SCUBE1: variants seen among roughly 807,000 people sequenced by gnomAD.
SCUBE1 encodes signal peptide, CUB and EGF-like domain-containing protein 1.
SCUBE1 carries 59 observed loss-of-function variants against 124.4 expected under a neutral mutation model. The ratio of observed to expected loss-of-function variants is 0.47; its 90% CI spans 0.38 to 0.59. The LOEUF is 0.59. Ranked by LOEUF, SCUBE1 falls within the 20% of genes least tolerant of loss-of-function variation. SCUBE1 has a pLI of 0.00. For missense variants in SCUBE1, 1,150 were observed against 1,371.2 expected, an observed-to-expected ratio of 0.84 and a Z score of 2.55; for synonymous variants, 545 against 550.9, an observed-to-expected ratio of 0.99 and a Z score of 0.15.
rs1032006265 is a variant in SCUBE1 at position 43,206,363 on chromosome 22, C to T, written c.2814+1171G>A. Among the ~76,000 whole-genome samples the T allele has an allele frequency of 2.6e-5, 4 of 151,766 alleles. No individual in the cohort carries two copies. In the East Asian group the frequency reaches 5.8e-4, roughly 22 times the overall value. The stretch of plus-strand genomic sequence containing the variant: ...TCCAAACTCACCACACATGCCTCCA[C>T]AAACACACCACACAGCACACTCCCC... On this transcript the variant is annotated intron_variant, in intron 21 of 21. Transcript: ENST00000360835.
intron 3 of SCUBE1, among the ~76,000 whole-genome samples, chr22:43,293,646 G>A (rs1315567815): frequency 1.3e-5 from 2 of 152,232 alleles, no homozygotes; most frequent in East Asian, 3.8e-4. Context: ...GAACTGTGCT[G>A]GCATACACTT....
At position 43,211,386 on chromosome 22, in the gene SCUBE1, G is replaced by A. The variant is rs549109921; in HGVS notation, c.2222-303C>T. On this transcript the variant is annotated intron_variant, in intron 17 of 21. Transcript: ENST00000360835. The surrounding 1 kb of genome is among the most constrained non-coding windows in gnomAD (Gnocchi z 4.5). Reference sequence around the variant, plus strand: ...CGGGGGCGATGATGTGGCCGGAGGCGTGCGGGGGAGACAGGGAGGAGGGGA... The same window carrying A: ...CGGGGGCGATGATGTGGCCGGAGGCATGCGGGGGAGACAGGGAGGAGGGGA... Among the ~76,000 whole-genome samples, 53 of 152,116 alleles carry A rather than the reference G, an allele frequency of 3.5e-4. No individual in the cohort carries two copies. The highest frequency in any genetic ancestry group is 6.3e-4 in the Non-Finnish European group (43 of 68,022).
intron 3 of SCUBE1, among the ~76,000 whole-genome samples, chr22:43,293,481 T>G (rs1271032652): frequency 6.6e-6 from 1 of 152,246 alleles, no homozygotes; most frequent in Non-Finnish European, 1.5e-5. Flanking sequence ...AGACCAATGC[T>G]GCGAAGAGCC....
At chr22:43,322,378 C>T (rs1234754479) in intron 2 of SCUBE1, among the ~76,000 whole-genome samples, 2 of 152,196 alleles carry the variant, frequency 1.3e-5, no homozygotes, top group African/African-American at 2.4e-5. Flanking sequence ...ATGCAACCAC[C>T]TCTTCCCCTG....
chr22:43,208,288 C>A, intron 19 of SCUBE1, 64 bp from the exon 20 acceptor site: 1 of 1,521,556 alleles, frequency 6.6e-7, no homozygotes, highest in South Asian at 1.1e-5. Flanking sequence ...CTAGGCCACT[C>A]GCCTCCCATC....
rs375974492 is a variant in SCUBE1 at position 43,258,177 on chromosome 22, C to T, written c.727+42G>A. On this transcript the variant is annotated intron_variant, in intron 6 of 21. Coordinates refer to ENST00000360835, the MANE Select transcript of SCUBE1 (RefSeq NM_173050.5). The surrounding 1 kb of genome is among the most constrained non-coding windows in gnomAD (Gnocchi z 5.0). ...TGGTGCACGCATGGGGGGTCGGGGG[C>T]GGGGGGCGCAAGGGTGGTGTGTGGC... is the stretch of plus-strand genomic sequence containing the variant. 148 of 1,354,244 alleles carry T rather than the reference C, an allele frequency of 1.1e-4. 1 individual carries two copies. The highest frequency in any genetic ancestry group is 2.2e-4 in the Middle Eastern group (1 of 4,526). 83.9% of individuals were successfully genotyped at this position (1,354,244 alleles called of 1,614,324 possible).
intron 2 of SCUBE1, among the ~76,000 whole-genome samples, chr22:43,326,104 A>G (rs1489332496): frequency 6.6e-6 from 1 of 152,152 alleles, no homozygotes; most frequent in African/African-American, 2.4e-5. Flanking sequence ...GGGACTGACT[A>G]GAAACATTCT....
At chr22:43,237,699 T>C (rs1181701083) in intron 7 of SCUBE1, 1 of 152,228 alleles carries the variant, frequency 6.6e-6, no homozygotes, top group Non-Finnish European at 1.5e-5. Context: ...CAAAAATACA[T>C]TTATTTTTAC....
chr22:43,309,148 T>A lies in SCUBE1; in HGVS notation c.349+10789A>T, dbSNP rs374552440. 5.9e-5 allele frequency among the ~76,000 whole-genome samples: 9 copies of A among 152,130 alleles called. No individual in the cohort carries two copies. The East Asian group carries it at 9.6e-4, about 16-fold the overall frequency. ...TGCACCTTCACCAGCTCCAGGTATA[T>A]CCATTTTCCCTAAACTGTGTTCTGG... On this transcript the variant is annotated intron_variant, in intron 3 of 21. Transcript: ENST00000360835.
intron 9 of SCUBE1, among the ~76,000 whole-genome samples, chr22:43,227,841 C>A (rs1344132685): frequency 6.6e-6 from 1 of 152,200 alleles, no homozygotes; most frequent in Non-Finnish European, 1.5e-5. Flanking sequence ...GATTGTGAAA[C>A]TGATTTTACC....
At chr22:43,239,426 G>A (rs1048149054) in intron 6 of SCUBE1, among the ~76,000 whole-genome samples, 1 of 152,276 alleles carries the variant, frequency 6.6e-6, no homozygotes, top group African/African-American at 2.4e-5. Flanking sequence ...CGGCCAGGGA[G>A]CCGAGGGGTA....
At position 43,238,930 on chromosome 22, in the gene SCUBE1, C is replaced by G. The variant is rs757642559; in HGVS notation, c.752G>C (p.Gly251Ala). 3.1e-6 allele frequency: 5 copies of G among 1,612,978 alleles called. No individual in the cohort carries two copies. Among genetic ancestry groups the G allele is most frequent in the Non-Finnish European group, 4.2e-6 (5 of 1,179,890 alleles). ...TGTGTCCTTGCATGTCCGGTCGCAG[C>G]CTCCGTTATTGACTGCGCACGTCTC... ...CIETCAVNNGGCDRTCKDTAT... is the reference protein window; with the variant it reads ...CIETCAVNNGACDRTCKDTAT... The change falls in exon 7 of 22, where the codon GGC (glycine) becomes GCC (alanine). Residue 251 changes from glycine (G) to alanine (A), a missense_variant. Transcript: ENST00000360835.
Position 43,286,665 on chromosome 22 carries a change from C to T in SCUBE1, c.484+4381G>A, listed in dbSNP as rs556960032. 1.2e-4 allele frequency among the ~76,000 whole-genome samples: 18 copies of T among 152,354 alleles called. No individual in the cohort carries two copies. The South Asian group carries it at 3.5e-3, about 30-fold the overall frequency. On this transcript the variant is annotated intron_variant, in intron 4 of 21. Coordinates refer to ENST00000360835, the MANE Select transcript of SCUBE1 (RefSeq NM_173050.5). ...CGTTTCCCCTCAGCTCATGACTGTA[C>T]AGGAACTCTTAGGACCCCTACTTAG...
intron 6 of SCUBE1, among the ~76,000 whole-genome samples, chr22:43,244,722 A>G (rs5759225): frequency 0.62 from 94,236 of 152,176 alleles, 30,165 homozygotes; most frequent in African/African-American, 0.77. Flanking sequence ...TGGGTTTCCC[A>G]CCTGTGTTGT....
chr22:43,321,240 G>C (rs1394472591), intron 2 of SCUBE1, among the ~76,000 whole-genome samples: 1 of 152,236 alleles, frequency 6.6e-6, no homozygotes, highest in Non-Finnish European at 1.5e-5. Context: ...AAGTGGGGCT[G>C]GGGCCATCCT....
In SCUBE1 at chr22:43,222,665, T is replaced by G; in HGVS notation, c.1405A>C (p.Ser469Arg). 1 of 1,600,824 alleles carries G rather than the reference T, an allele frequency of 6.2e-7. No homozygotes were observed. The change falls in exon 12 of 22, where the codon AGC (serine) becomes CGC (arginine). Residue 469 changes from serine to arginine, a missense_variant. Transcript: ENST00000360835. Reference protein sequence around the residue: ...GKALQKRNGTSSGLGPSCSDA... With the variant: ...GKALQKRNGTRSGLGPSCSDA... ...GAGCAGCTGGGCCCGAGGCCAGAGC[T>G]GGTGCCGTTGCGTTTCTGCAGCGCC...
intron 3 of SCUBE1, among the ~76,000 whole-genome samples, chr22:43,312,505 G>A (rs1926204815): frequency 6.6e-6 from 1 of 152,194 alleles, no homozygotes; most frequent in South Asian, 2.1e-4. Context: ...AGGCTGGTGG[G>A]GCCCTGGCCA....
At chr22:43,212,390 G>A (rs774712891) in intron 17 of SCUBE1, 35 bp downstream of exon 17, 66 of 1,544,194 alleles carry the variant, frequency 4.3e-5, no homozygotes, top group Non-Finnish European at 4.7e-5. Context: ...CCTGCCTCTC[G>A]GGGTGGGCGG....
At chr22:43,271,380 C>A (rs1924285518) in intron 4 of SCUBE1, among the ~76,000 whole-genome samples, 1 of 152,212 alleles carries the variant, frequency 6.6e-6, no homozygotes, top group African/African-American at 2.4e-5. Flanking sequence ...AGTGAATGCA[C>A]AGAAACCGTC....
Sources: gnomAD v4.1 joint callset for allele counts (sites outside exome capture counted in the v4.1 genomes callset) on GRCh38, gnomAD v4.1.1 for gene constraint, Gnocchi (gnomAD v3.1) non-coding constraint, MANE v1.5 for transcripts, NCBI Gene and HGNC (gene_info 2026-07-23, HGNC 2026-07-21) for gene names.